CDH12: variants seen among roughly 807,000 people sequenced by gnomAD.
The protein encoded by CDH12 is cadherin 12.
In CDH12, 41 loss-of-function variants were observed where a neutral mutation model predicts 74.1. The observed-to-expected ratio is 0.55, with a 90% confidence interval of 0.43 to 0.72. The LOEUF (loss-of-function observed/expected upper bound fraction) is 0.72. Ranked by LOEUF, CDH12 falls within the 30% of genes least tolerant of loss-of-function variation. The pLI, the probability that CDH12 is intolerant of heterozygous loss-of-function variation, is 0.00. For synonymous variants in CDH12, 399 were observed against 355.0 expected, an observed-to-expected ratio of 1.12 and a Z score of -1.39; for missense variants, 945 against 977.2, an observed-to-expected ratio of 0.97 and a Z score of 0.44.
chr5:22,398,150 C>T (rs543662292), intron 3 of CDH12, among the ~76,000 whole-genome samples: 2 of 152,198 alleles, frequency 1.3e-5, no homozygotes, highest in South Asian at 2.1e-4. Context: ...AAGCAGCACA[C>T]ACTTATTCAC....
intron 3 of CDH12, among the ~76,000 whole-genome samples, chr5:22,265,207 C>T (rs955505470): frequency 6.6e-6 from 1 of 152,038 alleles, no homozygotes; most frequent in Admixed American, 6.6e-5. Context: ...CATCAATCAG[C>T]AGGAGGTTAG....
At chr5:22,070,657 C>T (rs1392833396) in intron 5 of CDH12, among the ~76,000 whole-genome samples, 15 of 152,290 alleles carry the variant, frequency 9.8e-5, no homozygotes, top group African/African-American at 3.6e-4. Flanking sequence ...CTTGTACCTA[C>T]ACAACTGCAT....
intron 3 of CDH12, among the ~76,000 whole-genome samples, chr5:22,404,870 A>G (rs1426181319): frequency 6.6e-6 from 1 of 152,234 alleles, no homozygotes. Context: ...TCTATGAGGA[A>G]TATTTTTAAA....
At chr5:22,063,934 A>G (rs1279608001) in intron 5 of CDH12, among the ~76,000 whole-genome samples, 1 of 151,562 alleles carries the variant, frequency 6.6e-6, no homozygotes, top group Non-Finnish European at 1.5e-5. Flanking sequence ...TACATGAGTC[A>G]GTTTCTTAAA....
At chr5:22,752,558 T>TTC (rs1745638048) in intron 1 of CDH12, among the ~76,000 whole-genome samples, 1 of 20,350 alleles carries the variant, frequency 4.9e-5, no homozygotes, top group Non-Finnish European at 1.1e-4. Context: ...TTTTTTTTTT[T>TTC]TTTTTTTTTT....
At chr5:22,689,985 T>C (rs146019334) in intron 1 of CDH12, among the ~76,000 whole-genome samples, 1 of 152,208 alleles carries the variant, frequency 6.6e-6, no homozygotes, top group Non-Finnish European at 1.5e-5. Context: ...GAGATGATGG[T>C]ATTTCACCTG....
At chr5:22,787,741 A>G (rs1747707689) in intron 1 of CDH12, among the ~76,000 whole-genome samples, 2 of 152,258 alleles carry the variant, frequency 1.3e-5, no homozygotes, top group Admixed American at 6.5e-5. Flanking sequence ...TTAAGGTTCA[A>G]CTGGGAAATT....
intron 2 of CDH12, among the ~76,000 whole-genome samples, chr5:22,450,593 C>T (rs913976480): frequency 6.6e-6 from 1 of 151,866 alleles, no homozygotes. Context: ...TGCACTTGGA[C>T]TACTACAATA....
intron 1 of CDH12, among the ~76,000 whole-genome samples, chr5:22,614,743 G>A (rs894039445): frequency 2.6e-5 from 4 of 151,976 alleles, no homozygotes; most frequent in African/African-American, 7.3e-5. Context: ...TTATCCATGG[G>A]GAATATGTTC....
At chr5:22,300,364 T>A (rs912043097) in intron 3 of CDH12, among the ~76,000 whole-genome samples, 1 of 152,166 alleles carries the variant, frequency 6.6e-6, no homozygotes, top group African/African-American at 2.4e-5. Context: ...GATATATTTT[T>A]AAAAAGACTG....
rs145879153 is a variant in CDH12, at chr5:22,757,806, A to G, written c.-523+95252T>C. Among the ~76,000 whole-genome samples the G allele has an allele frequency of 8.5e-5, 13 of 152,292 alleles. No homozygotes were observed. The East Asian group carries it at 2.5e-3, about 29-fold the overall frequency. Reference sequence around the variant, plus strand: ...AATTGGTCCCAAAAGAAATCCCCTAAATGAAATAAATTTTAAAATCCTTTC... The same window carrying G: ...AATTGGTCCCAAAAGAAATCCCCTAGATGAAATAAATTTTAAAATCCTTTC... On this transcript the variant is annotated intron_variant, in intron 1 of 14. Transcript: ENST00000382254.
intron 5 of CDH12, among the ~76,000 whole-genome samples, chr5:22,073,212 T>C (rs1029007818): frequency 5.3e-5 from 8 of 152,164 alleles, no homozygotes; most frequent in Non-Finnish European, 8.8e-5. Context: ...TGGATGTCTC[T>C]GAAACTAGGG....
chr5:22,576,032 C>T (rs1296008638), intron 1 of CDH12, among the ~76,000 whole-genome samples: 2 of 152,142 alleles, frequency 1.3e-5, no homozygotes, highest in African/African-American at 2.4e-5. Context: ...TGGCCTGAAA[C>T]ACTTCTTTAC....
chr5:21,906,049 T>C (rs538160677), intron 6 of CDH12, among the ~76,000 whole-genome samples: 2 of 152,300 alleles, frequency 1.3e-5, no homozygotes, highest in East Asian at 3.9e-4. Flanking sequence ...AAATCCATAA[T>C]ATGTTACTAT....
chr5:22,559,625 A>T (rs969259695), intron 1 of CDH12, among the ~76,000 whole-genome samples: 1 of 152,096 alleles, frequency 6.6e-6, no homozygotes, highest in African/African-American at 2.4e-5. Context: ...ATTGTTTGTA[A>T]TATGTAACAA....
chr5:22,102,662 C>CAATAAATA lies in CDH12; in HGVS notation c.-186-23808_-186-23801dup, dbSNP rs59315895. On this transcript the variant is annotated intron_variant, in intron 4 of 14. Coordinates refer to ENST00000382254, the MANE Select transcript of CDH12 (RefSeq NM_004061.5). ...GGGGGACAGAGTGAGACTCCGTCTC[C>CAATAAATA]AATAAATAAATAAATAAATAAATAA... Among the ~76,000 whole-genome samples, 128 of 148,694 alleles carry CAATAAATA rather than the reference C, an allele frequency of 8.6e-4. No individual in the cohort carries two copies. The East Asian group carries it at 0.012, about 14-fold the overall frequency.
chr5:22,332,113 G>C lies in CDH12; in HGVS notation c.-333+73144C>G, dbSNP rs74706556. Among the ~76,000 whole-genome samples, 186 of 152,196 alleles carry C rather than the reference G, an allele frequency of 1.2e-3. 2 individuals carry two copies. In the East Asian group the frequency reaches 0.034, roughly 28 times the overall value. On this transcript the variant is annotated intron_variant, in intron 3 of 14. Coordinates refer to ENST00000382254, the MANE Select transcript of CDH12 (RefSeq NM_004061.5). Reference sequence around the variant, plus strand: ...AGTTTATTCAAAAGATAATAACGGAGAACTTTCCAAACCTAGAGAAAGATA... The same window carrying C: ...AGTTTATTCAAAAGATAATAACGGACAACTTTCCAAACCTAGAGAAAGATA...
intron 1 of CDH12, among the ~76,000 whole-genome samples, chr5:22,645,892 A>G (rs1328142730): frequency 6.6e-6 from 1 of 151,938 alleles, no homozygotes; most frequent in African/African-American, 2.4e-5. Flanking sequence ...ACATTTTTAG[A>G]CATAATACTA....
At chr5:21,827,597 T>C (rs1394776393) in intron 8 of CDH12, among the ~76,000 whole-genome samples, 2 of 152,198 alleles carry the variant, frequency 1.3e-5, no homozygotes, top group African/African-American at 2.4e-5. Flanking sequence ...CTACTTATTA[T>C]GTTTAATAAA....
Sources: allele counts gnomAD v4.1 joint callset (sites outside exome capture counted in the v4.1 genomes callset), GRCh38; gene constraint gnomAD v4.1.1; transcripts MANE v1.5; gene names NCBI Gene and HGNC (gene_info 2026-07-23, HGNC 2026-07-21).